Variants in RARRES1 observed in about 807,000 individuals in gnomAD.
RARRES1 encodes retinoic acid receptor responder 1.
RARRES1 carries 34 observed loss-of-function variants against 30.6 expected under a neutral mutation model. The ratio of observed to expected loss-of-function variants is 1.11; its 90% CI spans 0.84 to 1.48. The LOEUF (loss-of-function observed/expected upper bound fraction) is 1.48. RARRES1 is among the 40% of genes most tolerant of loss of function. The pLI, the probability that RARRES1 is intolerant of heterozygous loss-of-function variation, is 0.00. For synonymous variants in RARRES1, 153 were observed against 155.5 expected, an observed-to-expected ratio of 0.98 and a Z score of 0.12; for missense variants, 373 against 386.5, an observed-to-expected ratio of 0.97 and a Z score of 0.29.
At chr3:158,713,306 G>A (rs1727205685) in intron 2 of RARRES1, among the ~76,000 whole-genome samples, 1 of 152,268 alleles carries the variant, frequency 6.6e-6, no homozygotes, top group East Asian at 1.9e-4. Flanking sequence ...AACATGGTCC[G>A]CTTGGTCAAA....
intron 2 of RARRES1, among the ~76,000 whole-genome samples, chr3:158,712,990 G>A (rs1450592202): frequency 9.2e-5 from 14 of 152,216 alleles, no homozygotes; most frequent in Admixed American, 9.2e-4. Flanking sequence ...GCATACTGCT[G>A]TCATGTTGGA....
intron 1 of RARRES1, among the ~76,000 whole-genome samples, chr3:158,731,604 A>G (rs750664258): frequency 6.6e-6 from 1 of 152,218 alleles, no homozygotes; most frequent in Non-Finnish European, 1.5e-5. Context: ...GCCTACGTGT[A>G]AATTCCAACC....
chr3:158,731,026 A>G (rs1189592008), intron 1 of RARRES1, among the ~76,000 whole-genome samples: 2 of 138,678 alleles, frequency 1.4e-5, no homozygotes, highest in Admixed American at 7.3e-5. Context: ...CAGGTGATCC[A>G]CCTGTCTCGG....
intron 1 of RARRES1, among the ~76,000 whole-genome samples, chr3:158,717,093 C>G (rs1373112238): frequency 6.6e-6 from 1 of 152,148 alleles, no homozygotes; most frequent in Non-Finnish European, 1.5e-5. Context: ...TGGGCGGGAG[C>G]CAGGCCACCT....
chr3:158,699,745 T>C (rs1726663927), intron 4 of RARRES1, among the ~76,000 whole-genome samples: 1 of 152,184 alleles, frequency 6.6e-6, no homozygotes, highest in Non-Finnish European at 1.5e-5. Flanking sequence ...CCCACGAATG[T>C]TCAAAGCAAA....
At chr3:158,702,486 A>G (rs1399452103) in intron 4 of RARRES1, among the ~76,000 whole-genome samples, 5 of 152,210 alleles carry the variant, frequency 3.3e-5, no homozygotes, top group Non-Finnish European at 7.3e-5. Flanking sequence ...GTACCCTAGT[A>G]TGTCCTAGTG....
intron 1 of RARRES1, among the ~76,000 whole-genome samples, chr3:158,716,416 G>A (rs749713860): frequency 1.3e-5 from 2 of 152,148 alleles, no homozygotes; most frequent in African/African-American, 4.8e-5. Flanking sequence ...CCTTATTCTT[G>A]ATATAATTGT....
At chr3:158,704,039 G>T (rs185431442) in intron 4 of RARRES1, among the ~76,000 whole-genome samples, 1 of 151,980 alleles carries the variant, frequency 6.6e-6, no homozygotes, top group East Asian at 1.9e-4. Flanking sequence ...TGTCCTTCTA[G>T]TTAATCATAC....
intron 1 of RARRES1, among the ~76,000 whole-genome samples, chr3:158,721,382 C>T (rs1727505548): frequency 6.6e-6 from 1 of 152,188 alleles, no homozygotes; most frequent in Non-Finnish European, 1.5e-5. Flanking sequence ...ACTTTTGATT[C>T]AGGAGGTCTG....
At chr3:158,720,216 A>G (rs976324422) in intron 1 of RARRES1, among the ~76,000 whole-genome samples, 7 of 143,302 alleles carry the variant, frequency 4.9e-5, no homozygotes, top group African/African-American at 1.9e-4. Context: ...GAAAAGGAAG[A>G]ATAAAAGCTG....
Position 158,697,568 on chromosome 3 carries a change from A to T in RARRES1, c.*110T>A. 8.4e-7 allele frequency: 1 copy of T among 1,195,850 alleles called. No individual in the cohort carries two copies. The allele number at this position is 1,195,850 out of a possible 1,614,324, so 74.1% of individuals were successfully genotyped here. On this transcript the variant is annotated 3_prime_UTR_variant, in exon 6 of 6. Coordinates refer to ENST00000237696, the MANE Select transcript of RARRES1 (RefSeq NM_206963.2). ...TTTCTGAGTTTTTACTTGTAATCAT[A>T]GGTTTTCCCAAATTATTAGAATGTC... is the stretch of plus-strand genomic sequence containing the variant.
At chr3:158,702,990 T>C (rs1213200067) in intron 4 of RARRES1, among the ~76,000 whole-genome samples, 1 of 152,230 alleles carries the variant, frequency 6.6e-6, no homozygotes, top group East Asian at 1.9e-4. Flanking sequence ...GGGTAAATCC[T>C]GTACTCAGAA....
intron 1 of RARRES1, among the ~76,000 whole-genome samples, chr3:158,720,274 G>GT (rs1559873770): frequency 4.0e-5 from 5 of 126,450 alleles, no homozygotes; most frequent in African/African-American, 1.3e-4. Context: ...GTATGTGTGT[G>GT]AGAGAGAGAG....
chr3:158,701,375 C>T (rs1726717934), intron 4 of RARRES1, among the ~76,000 whole-genome samples: 1 of 150,682 alleles, frequency 6.6e-6, no homozygotes, highest in South Asian at 2.1e-4. Flanking sequence ...TTTTTTTGCA[C>T]ACTCTTCCCT....
At chr3:158,705,496 A>G (rs1464404447) in intron 3 of RARRES1, among the ~76,000 whole-genome samples, 1 of 152,020 alleles carries the variant, frequency 6.6e-6, no homozygotes, top group African/African-American at 2.4e-5. Flanking sequence ...GCTAGAATGC[A>G]GTGCCACAAT....
chr3:158,710,674 T>C, intron 3 of RARRES1, 64 bp downstream of exon 3: 1 of 1,435,708 alleles, frequency 7.0e-7, no homozygotes, highest in Non-Finnish European at 9.5e-7. Flanking sequence ...AAATGATCTT[T>C]CTTTTAAGGA....
chr3:158,724,614 C>G (rs1020710704), intron 1 of RARRES1, among the ~76,000 whole-genome samples: 7 of 152,148 alleles, frequency 4.6e-5, no homozygotes, highest in Non-Finnish European at 7.3e-5. Flanking sequence ...CAGGGAGACC[C>G]ATTTCAGGCT....
At chr3:158,721,965 C>T (rs1489598231) in intron 1 of RARRES1, among the ~76,000 whole-genome samples, 3 of 151,696 alleles carry the variant, frequency 2.0e-5, no homozygotes, top group Admixed American at 1.3e-4. Context: ...GTGGCGCACA[C>T]CTGTAATTCC....
rs190141647 is a variant in RARRES1 at position 158,729,995 on chromosome 3, T to C, written c.276+2145A>G. Reference sequence around the variant, plus strand: ...CTGTTGGACTAGGAAAACTGAACTTTTTTGTATCTCAGACAGCAAGGATTG... The same window carrying C: ...CTGTTGGACTAGGAAAACTGAACTTCTTTGTATCTCAGACAGCAAGGATTG... On this transcript the variant is annotated intron_variant, in intron 1 of 5. Transcript: ENST00000237696. 5.8e-3 allele frequency among the ~76,000 whole-genome samples: 885 copies of C among 152,242 alleles called. 5 individuals are homozygous for C. The highest frequency in any genetic ancestry group is 7.6e-3 in the Non-Finnish European group (519 of 68,018).
Sources: allele counts gnomAD v4.1 joint callset (sites outside exome capture counted in the v4.1 genomes callset), GRCh38; gene constraint gnomAD v4.1.1; transcripts MANE v1.5; gene names NCBI Gene and HGNC (gene_info 2026-07-23, HGNC 2026-07-21).